TENM3: variants seen among roughly 807,000 people sequenced by gnomAD.
TENM3 encodes the protein teneurin transmembrane protein 3.
TENM3 carries 63 observed loss-of-function variants against 255.1 expected under a neutral mutation model. That is an observed-to-expected ratio of 0.25 (90% CI 0.20 to 0.30). TENM3 has a LOEUF of 0.30. TENM3 is among the 10% of genes least tolerant of loss of function. The pLI, the probability that TENM3 is intolerant of heterozygous loss-of-function variation, is 1.00. For synonymous variants in TENM3, 1,306 were observed against 1,322.3 expected, an observed-to-expected ratio of 0.99 and a Z score of 0.27; for missense variants, 2,929 against 3,461.1, an observed-to-expected ratio of 0.85 and a Z score of 3.86.
intron 3 of TENM3, among the ~76,000 whole-genome samples, chr4:182,464,288 A>T (rs1398201353): frequency 1.3e-5 from 2 of 151,992 alleles, no homozygotes; most frequent in Non-Finnish European, 2.9e-5. Context: ...ACAGAATCTC[A>T]CTCTGTCACC....
the TENM3 span, among the ~76,000 whole-genome samples, chr4:182,103,445 A>G: frequency 1.3e-5 from 2 of 152,250 alleles, no homozygotes; most frequent in East Asian, 1.9e-4. Flanking sequence ...AACTCAATCA[A>G]TGGCCTCTTC....
At chr4:182,529,579 C>T (rs1739569866) in intron 3 of TENM3, among the ~76,000 whole-genome samples, 1 of 152,108 alleles carries the variant, frequency 6.6e-6, no homozygotes, top group South Asian at 2.1e-4. Context: ...CACTCCACCC[C>T]ATTTGGTTCA....
the TENM3 span, among the ~76,000 whole-genome samples, chr4:181,863,030 T>C: frequency 6.6e-6 from 1 of 152,204 alleles, no homozygotes; most frequent in African/African-American, 2.4e-5. Context: ...GTTAATACTT[T>C]TGGGGTGTTT....
chr4:181,718,938 G>A, the TENM3 span, among the ~76,000 whole-genome samples: 10 of 152,122 alleles, frequency 6.6e-5, no homozygotes, highest in South Asian at 2.1e-3. Context: ...CGGGCGCGGC[G>A]GCTCACGCCT....
At position 182,591,253 on chromosome 4, in the gene TENM3, AAGAG is replaced by A. The variant is rs995138586; in HGVS notation, c.512-9663_512-9660del. Among the ~76,000 whole-genome samples, 84 of 152,104 alleles carry A rather than the reference AAGAG, an allele frequency of 5.5e-4. 1 individual carries two copies. Among genetic ancestry groups the A allele is most frequent in the Admixed American group, 5.1e-3 (78 of 15,258 alleles). On this transcript the variant is annotated intron_variant, in intron 3 of 27. Coordinates refer to ENST00000511685, the MANE Select transcript of TENM3 (RefSeq NM_001080477.4). ...AGTAGAATCTAAAAAAAGAGAGAGAAAGAGAGAGAGAACGTGAAGATTTAGATTC... is the reference window on the plus strand; with the variant it reads ...AGTAGAATCTAAAAAAAGAGAGAGAAAGAGAGAACGTGAAGATTTAGATTC...
the TENM3 span, among the ~76,000 whole-genome samples, chr4:181,480,073 A>AT: frequency 1.3e-5 from 2 of 152,076 alleles, no homozygotes; most frequent in Non-Finnish European, 2.9e-5. Context: ...TAATTCCAAT[A>AT]TTTTTTCAGG....
At chr4:182,602,930 T>A (rs1048195528) in intron 4 of TENM3, among the ~76,000 whole-genome samples, 2 of 152,216 alleles carry the variant, frequency 1.3e-5, no homozygotes, top group Non-Finnish European at 2.9e-5. Context: ...TTATGAAATA[T>A]GTCAAATTAA....
chr4:181,918,252 AAT>A, the TENM3 span, among the ~76,000 whole-genome samples: 1 of 152,174 alleles, frequency 6.6e-6, no homozygotes, highest in Non-Finnish European at 1.5e-5. Context: ...TCTAACAGTA[AAT>A]AACATAATAA....
intron 6 of TENM3, among the ~76,000 whole-genome samples, chr4:182,668,121 C>T (rs1424605590): frequency 6.6e-6 from 1 of 152,038 alleles, no homozygotes; most frequent in Non-Finnish European, 1.5e-5. Flanking sequence ...CCACATTTTG[C>T]CCTTAATGGA....
At chr4:181,579,933 AATTTTATTTTATTTTATTTT>A in the TENM3 span, among the ~76,000 whole-genome samples, 19,828 of 126,344 alleles carry the variant, frequency 0.16, 1,878 homozygotes, top group East Asian at 0.24. Context: ...AAGTACCTAC[AATTTTATTTTATTTTATTTT>A]ATTTTATTTT....
At chr4:182,002,971 T>C in the TENM3 span, among the ~76,000 whole-genome samples, 28 of 152,120 alleles carry the variant, frequency 1.8e-4, no homozygotes, top group African/African-American at 6.5e-4. Context: ...GCCAACTAAC[T>C]TGTATATAAC....
At chr4:181,686,221 A>G in the TENM3 span, among the ~76,000 whole-genome samples, 2 of 152,206 alleles carry the variant, frequency 1.3e-5, no homozygotes, top group South Asian at 4.1e-4. Flanking sequence ...ACATCCCGAC[A>G]GCATAAATAA....
chr4:182,195,245 T>G (rs1753772326), intron 1 of TENM3, among the ~76,000 whole-genome samples: 1 of 152,196 alleles, frequency 6.6e-6, no homozygotes, highest in Admixed American at 6.5e-5. Flanking sequence ...AACGTGCCTG[T>G]TATCCACACG....
At chr4:182,392,927 G>A (rs767848807) in intron 3 of TENM3, among the ~76,000 whole-genome samples, 3 of 152,148 alleles carry the variant, frequency 2.0e-5, no homozygotes, top group Non-Finnish European at 2.9e-5. Flanking sequence ...ACTGAATAAC[G>A]ATAGAAATTT....
rs748680947 is a variant in TENM3 at position 182,681,949 on chromosome 4, C to T, written c.1970C>T (p.Thr657Met). Residue 657 changes from threonine to methionine, a missense_variant, in exon 11 of 28, where the codon ACG becomes ATG. By Grantham distance (81) the Thr-to-Met change is moderately conservative. Coordinates refer to ENST00000511685, the MANE Select transcript of TENM3 (RefSeq NM_001080477.4). ...CCAGACCAGTGCTCCGGCCACGGAACGTATCTTCAAGAAAGTGGCTCCTGC... is the reference window on the plus strand; with the variant it reads ...CCAGACCAGTGCTCCGGCCACGGAATGTATCTTCAAGAAAGTGGCTCCTGC... ...MCPDQCSGHGTYLQESGSCTC... is the reference protein window; with the variant it reads ...MCPDQCSGHGMYLQESGSCTC... 12 of 1,613,838 alleles carry T rather than the reference C, an allele frequency of 7.4e-6. 1 individual carries two copies. Among genetic ancestry groups the T allele is most frequent in the Middle Eastern group, 1.6e-4 (1 of 6,084 alleles).
chr4:181,517,252 T>G, the TENM3 span, among the ~76,000 whole-genome samples: 1 of 152,224 alleles, frequency 6.6e-6, no homozygotes, highest in South Asian at 2.1e-4. Flanking sequence ...CCCATTTTCT[T>G]ATTTTATGAG....
intron 3 of TENM3, among the ~76,000 whole-genome samples, chr4:182,542,699 G>A (rs549904183): frequency 6.6e-6 from 1 of 152,242 alleles, no homozygotes; most frequent in South Asian, 2.1e-4. Flanking sequence ...TCGAGGTCAA[G>A]TTTCGGATTC....
At chr4:181,882,420 G>T in the TENM3 span, among the ~76,000 whole-genome samples, 1 of 152,212 alleles carries the variant, frequency 6.6e-6, no homozygotes, top group African/African-American at 2.4e-5. Flanking sequence ...CCATTTCAGT[G>T]TTCCAGAAGG....
chr4:182,504,095 T>C (rs983760708), intron 3 of TENM3, among the ~76,000 whole-genome samples: 3 of 152,030 alleles, frequency 2.0e-5, no homozygotes, highest in Admixed American at 6.5e-5. Context: ...GGTTTTTGTT[T>C]ATTACTGTGT....
Sources: gnomAD v4.1 joint callset for allele counts (sites outside exome capture counted in the v4.1 genomes callset) on GRCh38, gnomAD v4.1.1 for gene constraint, MANE v1.5 for transcripts, NCBI Gene and HGNC (gene_info 2026-07-23, HGNC 2026-07-21) for gene names.